Variants in SMARCA2 observed in about 807,000 individuals in gnomAD.
SMARCA2 encodes SWI/SNF-related matrix-associated actin-dependent regulator of chromatin subfamily A member 2.
In SMARCA2, 61 loss-of-function variants were observed where a neutral mutation model predicts 199.8. The observed-to-expected ratio is 0.31, with a 90% CI of 0.25 to 0.38. SMARCA2 has a LOEUF of 0.38. Among genes scored for constraint, SMARCA2 ranks in the 10% least tolerant of loss-of-function variants. SMARCA2 has a pLI of 1.00. For synonymous variants in SMARCA2, 935 were observed against 732.0 expected (o/e 1.28, Z -4.48); for missense variants, 1,344 against 2,012.2 (o/e 0.67, Z 6.35).
At chr9:2,191,613 A>C in intron 33 of SMARCA2, 1 of 454,490 alleles carries the variant, frequency 2.2e-6, no homozygotes, top group Non-Finnish European at 3.9e-6. Flanking sequence ...TTGCCTTTTT[A>C]ATAGTCTTCA....
At chr9:2,107,233 G>C (rs1822793525) in intron 23 of SMARCA2, among the ~76,000 whole-genome samples, 1 of 152,182 alleles carries the variant, frequency 6.6e-6, no homozygotes, top group Non-Finnish European at 1.5e-5. Context: ...CTTATGATAA[G>C]AAATGCCATA....
intron 3 of SMARCA2, among the ~76,000 whole-genome samples, chr9:2,033,387 G>A (rs1338404921): frequency 6.6e-6 from 1 of 152,186 alleles, no homozygotes; most frequent in East Asian, 1.9e-4. Flanking sequence ...GGTTATCCCA[G>A]TTTTATAGAT....
intron 27 of SMARCA2, among the ~76,000 whole-genome samples, chr9:2,134,881 A>G (rs1422389968): frequency 1.3e-5 from 2 of 152,184 alleles, no homozygotes; most frequent in Non-Finnish European, 2.9e-5. Context: ...ACAGAATCCA[A>G]TCATGCTATA....
At chr9:2,124,141 T>C (rs975908561) in intron 27 of SMARCA2, among the ~76,000 whole-genome samples, 5 of 152,194 alleles carry the variant, frequency 3.3e-5, no homozygotes, top group Admixed American at 2.0e-4. Flanking sequence ...CGTTCTGCAC[T>C]TCAAGGCGGT....
chr9:2,168,033 C>CTTT lies in SMARCA2; in HGVS notation c.4200-2372_4200-2370dup, dbSNP rs367986975. On this transcript the variant is annotated intron_variant, in intron 28 of 33. Transcript: ENST00000349721. ...GGGGAAATGAGCTTTTTTTCTTTTT[C>CTTT]TTTTTTTTTTTTTTTTGAGACAGTT... Among the ~76,000 whole-genome samples, 40 of 138,816 alleles carry CTTT rather than the reference C, an allele frequency of 2.9e-4. No individual in the cohort carries two copies. The South Asian group carries it at 7.8e-3, about 27-fold the overall frequency. 91.1% of individuals were successfully genotyped at this position (138,816 alleles called of 152,430 possible).
chr9:2,187,840 A>T (rs1827587328), intron 32 of SMARCA2, among the ~76,000 whole-genome samples: 1 of 152,124 alleles, frequency 6.6e-6, no homozygotes, highest in South Asian at 2.1e-4. Flanking sequence ...GCACTTTGGG[A>T]AGCTGAGGTG....
At chr9:2,051,464 TCTC>T (rs1195410704) in intron 5 of SMARCA2, among the ~76,000 whole-genome samples, 1 of 152,094 alleles carries the variant, frequency 6.6e-6, no homozygotes, top group Non-Finnish European at 1.5e-5. Flanking sequence ...CCACCCCCCA[TCTC>T]CTCATTTCCG....
rs533956219 is a variant in SMARCA2 at position 2,082,232 on chromosome 9, A to T, written c.2348+237A>T. The stretch of plus-strand genomic sequence containing the variant: ...TGATTTTATCGGCCATCAGCATTAC[A>T]GGTCTGCACAGCCTGAACACTGCAT... On this transcript the variant is annotated intron_variant, in intron 15 of 33. Coordinates refer to ENST00000349721, the MANE Select transcript of SMARCA2 (RefSeq NM_003070.5). Among the ~76,000 whole-genome samples the T allele has an allele frequency of 9.9e-5, 15 of 151,992 alleles. No homozygotes were observed. The South Asian group carries it at 3.1e-3, about 32-fold the overall frequency.
intron 21 of SMARCA2, 54 bp downstream of exon 21, chr9:2,097,525 G>C (rs1586701775): frequency 4.2e-6 from 4 of 952,922 alleles, no homozygotes; most frequent in Non-Finnish European, 6.4e-6. Context: ...ACTAATGCTA[G>C]TTAAAAAAAA....
At chr9:2,181,222 A>G (rs897197132) in intron 29 of SMARCA2, 1 of 205,962 alleles carries the variant, frequency 4.9e-6, no homozygotes, top group African/African-American at 2.4e-5. Context: ...ATATACATAT[A>G]TATTTACCAA....
intron 33 of SMARCA2, 30 bp downstream of exon 33, chr9:2,191,438 G>A (rs1827876987): frequency 6.2e-7 from 1 of 1,612,196 alleles, no homozygotes; most frequent in Admixed American, 1.7e-5. Flanking sequence ...ACTGAAGGCG[G>A]AGACGCCCTC....
rs1238795545 is a variant in SMARCA2, at chr9:2,170,263, A to G, written c.4200-156A>G. Among the ~76,000 whole-genome samples, 5 of 152,170 alleles carry G rather than the reference A, an allele frequency of 3.3e-5. No individual in the cohort carries two copies. Among genetic ancestry groups the G allele is most frequent in the Admixed American group, 1.3e-4 (2 of 15,286 alleles). On this transcript the variant is annotated intron_variant, in intron 28 of 33. Coordinates refer to ENST00000349721, the MANE Select transcript of SMARCA2 (RefSeq NM_003070.5). The surrounding 1 kb of genome is among the most constrained non-coding windows in gnomAD (Gnocchi z 4.7). ...TTAGAGAACTATGTTATTTTTCCGA[A>G]TGAGGTTCCAAACATAACCCCGTGT... is the stretch of plus-strand genomic sequence containing the variant.
Position 2,084,281 on chromosome 9 carries a change from G to T in SMARCA2, c.2526+85G>T, listed in dbSNP as rs1821699701. On this transcript the variant is annotated intron_variant, in intron 17 of 33. Transcript: ENST00000349721. ...ATTGCCCAAGTCAGTAGTGTAATTG[G>T]ATCCTTAGATGGCTTGTCCTTTTCT... is the stretch of plus-strand genomic sequence containing the variant. 3 of 671,208 alleles carry T rather than the reference G, an allele frequency of 4.5e-6. No individual in the cohort carries two copies. In the Admixed American group the frequency reaches 8.0e-5, roughly 18 times the overall value. The allele number at this position is 671,208 out of a possible 1,614,324, so 41.6% of individuals were successfully genotyped here.
intron 26 of SMARCA2, among the ~76,000 whole-genome samples, chr9:2,122,219 G>T (rs1823493283): frequency 6.6e-6 from 1 of 152,250 alleles, no homozygotes; most frequent in South Asian, 2.1e-4. Context: ...GAAATGTATT[G>T]ATTAAACATA....
rs947507455 is a variant in SMARCA2 at position 2,169,511 on chromosome 9, C to T, written c.4200-908C>T. ...TTTGAAGCGAGCACATGCGCTTCCA[C>T]CCCTCTGTTGATTTGTTTATGGGTT... On this transcript the variant is annotated intron_variant, in intron 28 of 33. Coordinates refer to ENST00000349721, the MANE Select transcript of SMARCA2 (RefSeq NM_003070.5). This position sits in a 1 kb window ranked among gnomAD's most constrained non-coding sequence, Gnocchi z 6.5. 2.0e-5 allele frequency among the ~76,000 whole-genome samples: 3 copies of T among 152,200 alleles called. No individual in the cohort carries two copies. Among genetic ancestry groups the T allele is most frequent in the African/African-American group, 7.2e-5 (3 of 41,444 alleles).
At chr9:2,087,666 T>C (rs1821858191) in intron 18 of SMARCA2, among the ~76,000 whole-genome samples, 1 of 152,154 alleles carries the variant, frequency 6.6e-6, no homozygotes, top group African/African-American at 2.4e-5. Flanking sequence ...TCTTAAGAGC[T>C]CATTTATGAA....
At chr9:2,186,908 C>T (rs748808328) in intron 32 of SMARCA2, among the ~76,000 whole-genome samples, 1 of 152,248 alleles carries the variant, frequency 6.6e-6, no homozygotes, top group Non-Finnish European at 1.5e-5. Flanking sequence ...CACCTATCTT[C>T]TCTTCTTTAC....
At chr9:2,147,984 C>A (rs975622547) in intron 27 of SMARCA2, among the ~76,000 whole-genome samples, 2 of 151,556 alleles carry the variant, frequency 1.3e-5, no homozygotes, top group Non-Finnish European at 3.0e-5. Flanking sequence ...CAGGTGTGAG[C>A]CACTATACCC....
chr9:2,168,630 A>C (rs1038740344), intron 28 of SMARCA2, among the ~76,000 whole-genome samples: 9 of 152,244 alleles, frequency 5.9e-5, no homozygotes, highest in Non-Finnish European at 7.3e-5. Flanking sequence ...TCATCAAACC[A>C]ATGGATCTTT....
Sources: allele counts gnomAD v4.1 joint callset (sites outside exome capture counted in the v4.1 genomes callset), GRCh38; gene constraint gnomAD v4.1.1; non-coding constraint Gnocchi (gnomAD v3.1); transcripts MANE v1.5; gene names NCBI Gene and HGNC (gene_info 2026-07-23, HGNC 2026-07-21).